Variants in UNC13B observed in about 807,000 individuals in gnomAD.
UNC13B encodes the protein unc-13 homolog B.
A neutral mutation model predicts 211.0 loss-of-function variants in UNC13B; 144 were observed. The ratio of observed to expected loss-of-function variants is 0.68; its 90% CI spans 0.60 to 0.78. The LOEUF (loss-of-function observed/expected upper bound fraction) is 0.78, where lower values mean the gene tolerates loss of function less well. Among genes scored for constraint, UNC13B ranks in the 30% least tolerant of loss-of-function variants. The pLI, the probability that UNC13B is intolerant of heterozygous loss-of-function variation, is 0.00. For synonymous variants in UNC13B, 709 were observed against 725.8 expected, an observed-to-expected ratio of 0.98 and a Z score of 0.37; for missense variants, 1,777 against 2,002.0, an observed-to-expected ratio of 0.89 and a Z score of 2.14.
intron 1 of UNC13B, among the ~76,000 whole-genome samples, chr9:35,201,154 G>A (rs1823260861): frequency 6.6e-6 from 1 of 152,166 alleles, no homozygotes; most frequent in Non-Finnish European, 1.5e-5. Flanking sequence ...ATTTGTGTAT[G>A]TTGAACCAGT....
At chr9:35,223,875 T>A (rs920532971) in intron 1 of UNC13B, among the ~76,000 whole-genome samples, 1 of 152,164 alleles carries the variant, frequency 6.6e-6, no homozygotes, top group Non-Finnish European at 1.5e-5. Context: ...ATATGGATAT[T>A]CAGTTTTCCC....
At chr9:35,351,807 C>T in intron 11 of UNC13B, 1 of 1,232,290 alleles carries the variant, frequency 8.1e-7, no homozygotes, top group Non-Finnish European at 1.0e-6. Flanking sequence ...GCCTATGTTT[C>T]AGGGTCTGGT....
intron 1 of UNC13B, among the ~76,000 whole-genome samples, chr9:35,211,179 G>A (rs1473520965): frequency 1.3e-5 from 2 of 152,168 alleles, no homozygotes; most frequent in Admixed American, 6.5e-5. Flanking sequence ...AAGAATATAC[G>A]GTGAAAAGTA....
At chr9:35,348,282 T>C (rs1832494974) in intron 11 of UNC13B, among the ~76,000 whole-genome samples, 2 of 152,204 alleles carry the variant, frequency 1.3e-5, no homozygotes, top group Non-Finnish European at 2.9e-5. Flanking sequence ...CAATGAATTC[T>C]GGGCCTCACC....
At chr9:35,372,418 C>T (rs571070951) in intron 13 of UNC13B, among the ~76,000 whole-genome samples, 1 of 152,356 alleles carries the variant, frequency 6.6e-6, no homozygotes, top group East Asian at 1.9e-4. Context: ...AGGGGCTGCC[C>T]CTAAAGCTTG....
chr9:35,353,488 C>A, intron 11 of UNC13B: 1 of 1,232,196 alleles, frequency 8.1e-7, no homozygotes, highest in Non-Finnish European at 1.0e-6. Flanking sequence ...AAAGCTTGCT[C>A]AGTGTGGTCT....
chr9:35,213,171 A>G (rs763022021), intron 1 of UNC13B, among the ~76,000 whole-genome samples: 1 of 152,180 alleles, frequency 6.6e-6, no homozygotes, highest in Admixed American at 6.5e-5. Context: ...CCAAATCCCT[A>G]TGTTGAAACC....
intron 14 of UNC13B, among the ~76,000 whole-genome samples, chr9:35,375,617 A>G (rs1834349253): frequency 6.6e-6 from 1 of 152,212 alleles, no homozygotes; most frequent in South Asian, 2.1e-4. Flanking sequence ...CTTCATTGCC[A>G]GAGGAGACAC....
Position 35,290,513 on chromosome 9 carries a change from A to C in UNC13B, c.527-5183A>C, listed in dbSNP as rs1389785276. On this transcript the variant is annotated intron_variant, in intron 7 of 39. Coordinates refer to ENST00000635942, the MANE Select transcript of UNC13B (RefSeq NM_001371189.2). ...AGAAGATTAATTTCTTAAGAGATAA[A>C]CATTGCCATTCTTTGACCTTTTAAC... 2.6e-5 allele frequency among the ~76,000 whole-genome samples: 4 copies of C among 151,924 alleles called. No homozygotes were observed. The East Asian group carries it at 7.8e-4, about 30-fold the overall frequency.
chr9:35,171,544 A>G (rs533173636), intron 1 of UNC13B, among the ~76,000 whole-genome samples: 35 of 152,120 alleles, frequency 2.3e-4, no homozygotes, highest in Middle Eastern at 3.4e-3. Context: ...TGGGACTACA[A>G]GCATGTGCCA....
intron 1 of UNC13B, among the ~76,000 whole-genome samples, chr9:35,216,471 G>A (rs1824250296): frequency 6.6e-6 from 1 of 152,138 alleles, no homozygotes; most frequent in Non-Finnish European, 1.5e-5. Context: ...TGGATCAACT[G>A]GCAACTTAGT....
chr9:35,266,241 C>T (rs1294896382), intron 7 of UNC13B, among the ~76,000 whole-genome samples: 1 of 152,202 alleles, frequency 6.6e-6, no homozygotes, highest in African/African-American at 2.4e-5. Context: ...AGCTGTAGCA[C>T]ATCATATGAC....
At chr9:35,186,087 C>G (rs571023638) in intron 1 of UNC13B, among the ~76,000 whole-genome samples, 1 of 152,026 alleles carries the variant, frequency 6.6e-6, no homozygotes, top group African/African-American at 2.4e-5. Context: ...ATACAGTGTT[C>G]CCTTTGGAGT....
intron 11 of UNC13B, among the ~76,000 whole-genome samples, chr9:35,316,448 T>C (rs780063270): frequency 2.0e-5 from 3 of 152,208 alleles, no homozygotes; most frequent in African/African-American, 7.2e-5. Context: ...AAAAGATAGC[T>C]GCTTGGAAAA....
chr9:35,322,076 A>C (rs1830763134), intron 11 of UNC13B, among the ~76,000 whole-genome samples: 1 of 152,208 alleles, frequency 6.6e-6, no homozygotes, highest in Non-Finnish European at 1.5e-5. Flanking sequence ...GAATCATAGA[A>C]ACCTAGTTAC....
chr9:35,309,463 T>C (rs955644815), intron 9 of UNC13B, among the ~76,000 whole-genome samples: 2 of 152,122 alleles, frequency 1.3e-5, no homozygotes, highest in East Asian at 1.9e-4. Flanking sequence ...AGCCCTTTAG[T>C]TAAAGGCTTG....
chr9:35,197,509 T>C (rs1823012561), intron 1 of UNC13B, among the ~76,000 whole-genome samples: 1 of 152,208 alleles, frequency 6.6e-6, no homozygotes, highest in Non-Finnish European at 1.5e-5. Context: ...CACCCAGCCA[T>C]TTTTCAAAAC....
At position 35,184,657 on chromosome 9, in the gene UNC13B, A is replaced by G. The variant is rs369368722; in HGVS notation, c.22+22352A>G. Among the ~76,000 whole-genome samples the G allele has an allele frequency of 7.6e-4, 116 of 152,130 alleles. 2 individuals are homozygous for G. In the South Asian group the frequency reaches 0.019, roughly 25 times the overall value. On this transcript the variant is annotated intron_variant, in intron 1 of 39. Coordinates refer to ENST00000635942, the MANE Select transcript of UNC13B (RefSeq NM_001371189.2). ...CGGGGCAGGGAGGCTACAGGGAGCC[A>G]AGACCACCGCAGTACAGTCCAGCCT...
At chr9:35,240,380 TG>T (rs2131545919) in intron 5 of UNC13B, among the ~76,000 whole-genome samples, 1 of 152,342 alleles carries the variant, frequency 6.6e-6, no homozygotes, top group Admixed American at 6.5e-5. Flanking sequence ...TTGTATCCTA[TG>T]GTGATTTAAG....
Sources: allele counts gnomAD v4.1 joint callset (sites outside exome capture counted in the v4.1 genomes callset), GRCh38; gene constraint gnomAD v4.1.1; transcripts MANE v1.5; gene names NCBI Gene and HGNC (gene_info 2026-07-23, HGNC 2026-07-21).